The following FAM53B variants were observed in gnomAD, a reference collection of about 807,000 sequenced individuals.
The protein encoded by FAM53B is protein FAM53B.
In FAM53B, 12 loss-of-function variants were observed where a neutral mutation model predicts 32.7. The observed-to-expected ratio is 0.37, with a 90% CI of 0.24 to 0.59. The LOEUF is 0.59. FAM53B is among the 20% of genes least tolerant of loss of function. FAM53B has a pLI of 0.72. For synonymous variants in FAM53B, 234 were observed against 228.7 expected, an observed-to-expected ratio of 1.02 and a Z score of -0.21; for missense variants, 477 against 577.7, an observed-to-expected ratio of 0.83 and a Z score of 1.79.
intron 4 of FAM53B, among the ~76,000 whole-genome samples, chr10:124,674,451 G>A (rs72842384): frequency 0.12 from 18,855 of 152,194 alleles, 1,611 homozygotes; most frequent in Middle Eastern, 0.18. Context: ...ACCCTTCCTC[G>A]AGGATGGGGA....
intron 3 of FAM53B, among the ~76,000 whole-genome samples, chr10:124,687,209 C>T (rs1949807872): frequency 6.6e-6 from 1 of 152,200 alleles, no homozygotes; most frequent in Non-Finnish European, 1.5e-5. Context: ...TGGCAAACTG[C>T]CCCAAGCGCT....
At chr10:124,661,613 G>T (rs1256827478) in intron 4 of FAM53B, among the ~76,000 whole-genome samples, 1 of 152,200 alleles carries the variant, frequency 6.6e-6, no homozygotes, top group Non-Finnish European at 1.5e-5. Context: ...AGGGCAGTGG[G>T]GAGGAGGGAA....
At chr10:124,640,858 C>T (rs914558442) in intron 4 of FAM53B, among the ~76,000 whole-genome samples, 4 of 152,174 alleles carry the variant, frequency 2.6e-5, no homozygotes, top group South Asian at 2.1e-4. Flanking sequence ...AGACAGCCCC[C>T]GCTGCGGCAG....
chr10:124,635,312 C>T (rs961664976), intron 4 of FAM53B, among the ~76,000 whole-genome samples: 4 of 152,108 alleles, frequency 2.6e-5, no homozygotes, highest in African/African-American at 4.8e-5. Flanking sequence ...AGGCTGGTCT[C>T]GAACTCCTGA....
At chr10:124,714,136 C>T (rs545475403) in intron 1 of FAM53B, 20 of 152,266 alleles carry the variant, frequency 1.3e-4, no homozygotes, top group African/African-American at 4.3e-4. Flanking sequence ...AGTCAAGCTT[C>T]ATATCCGCCA....
intron 3 of FAM53B, among the ~76,000 whole-genome samples, chr10:124,693,273 C>T (rs1019717286): frequency 1.4e-4 from 21 of 151,926 alleles, no homozygotes; most frequent in Admixed American, 7.2e-4. Flanking sequence ...AAATCAAGAC[C>T]ATCCTGGCCA....
At chr10:124,654,599 G>GGCGA (rs1189254176) in intron 4 of FAM53B, among the ~76,000 whole-genome samples, 1 of 152,206 alleles carries the variant, frequency 6.6e-6, no homozygotes, top group Non-Finnish European at 1.5e-5. Context: ...CCCTGCCCAG[G>GGCGA]GCGAGGGTAG....
At chr10:124,731,255 A>G (rs1447913538) in intron 1 of FAM53B, among the ~76,000 whole-genome samples, 1 of 152,264 alleles carries the variant, frequency 6.6e-6, no homozygotes, top group African/African-American at 2.4e-5. Context: ...AACGGGAAAG[A>G]ACTGGGTGCT....
Position 124,706,787 on chromosome 10 carries a change from A to T in FAM53B, c.-74T>A. On this transcript the variant is annotated 5_prime_UTR_variant, in exon 2 of 5. Transcript: ENST00000337318. The stretch of plus-strand genomic sequence containing the variant: ...TCTTCACTTGGGCAGACTTGGGGTG[A>T]GTACCTCCTGGGGAATTGATGTCAG... 16 of 1,608,072 alleles carry T rather than the reference A, an allele frequency of 9.9e-6. No individual in the cohort carries two copies. The highest frequency in any genetic ancestry group is 1.2e-5 in the Non-Finnish European group (14 of 1,176,836).
chr10:124,656,978 T>G (rs1243314619), intron 4 of FAM53B, among the ~76,000 whole-genome samples: 1 of 151,536 alleles, frequency 6.6e-6, no homozygotes, highest in East Asian at 1.9e-4. Flanking sequence ...ACATGGCACA[T>G]GTATACATAC....
intron 2 of FAM53B, 62 bp from the exon 3 acceptor site, chr10:124,696,274 C>A: frequency 7.5e-7 from 1 of 1,336,618 alleles, no homozygotes; most frequent in South Asian, 1.2e-5. Context: ...TGCACTGACT[C>A]TACTGATCCC....
chr10:124,705,254 A>G (rs4962685), intron 2 of FAM53B, among the ~76,000 whole-genome samples: 142,553 of 152,296 alleles, frequency 0.94, 67,409 homozygotes, highest in Non-Finnish European at 1. Flanking sequence ...ACACCAGGCA[A>G]CAGGCAGAGG....
rs574920550 is a variant in FAM53B at position 124,648,797 on chromosome 10, G to A, written c.907-25193C>T. On this transcript the variant is annotated intron_variant, in intron 4 of 4. Transcript: ENST00000337318. ...CCGCCTGTTCGGGGCTCCTTTTGCT[G>A]CTAAGGGGTCTGGCCGGGATTAGCA... 3.9e-5 allele frequency among the ~76,000 whole-genome samples: 6 copies of A among 152,382 alleles called. No homozygotes were observed. The East Asian group carries it at 1.2e-3, about 29-fold the overall frequency.
intron 4 of FAM53B, among the ~76,000 whole-genome samples, chr10:124,631,660 A>T (rs975117425): frequency 2.6e-5 from 4 of 152,088 alleles, no homozygotes; most frequent in African/African-American, 4.8e-5. Context: ...CCTCTTCCTC[A>T]GGCTCTGCTT....
rs7077464 is a variant in FAM53B at position 124,699,928 on chromosome 10, G to A, written c.79-3716C>T. On this transcript the variant is annotated intron_variant, in intron 2 of 4. Coordinates refer to ENST00000337318, the MANE Select transcript of FAM53B (RefSeq NM_014661.4). ...CTGGCCCCCTCCTCTCCAGCCCTGC[G>A]AGCTCGCCCTGTGCTTCAGGGAGTT... Among the ~76,000 whole-genome samples, 293 of 152,302 alleles carry A rather than the reference G, an allele frequency of 1.9e-3. 1 individual carries two copies. Among genetic ancestry groups the A allele is most frequent in the African/African-American group, 6.7e-3 (278 of 41,574 alleles).
Position 124,643,548 on chromosome 10 carries a change from C to CG in FAM53B, c.907-19945dup, listed in dbSNP as rs979628228. 3.9e-5 allele frequency among the ~76,000 whole-genome samples: 6 copies of CG among 152,320 alleles called. No homozygotes were observed. In the South Asian group the frequency reaches 6.2e-4, roughly 16 times the overall value. On this transcript the variant is annotated intron_variant, in intron 4 of 4. Transcript: ENST00000337318. ...CCAAACAGAGCCCCGGGAGGGCCAGCGGGGGGGTGCAGGGCTGGGAGGACA... is the reference window on the plus strand; with the variant it reads ...CCAAACAGAGCCCCGGGAGGGCCAGCGGGGGGGGTGCAGGGCTGGGAGGACA...
At position 124,706,716 on chromosome 10, in the gene FAM53B, T is replaced by C. The variant is rs1949961690; in HGVS notation, c.-3A>G. 1 of 1,613,988 alleles carries C rather than the reference T, an allele frequency of 6.2e-7. No individual in the cohort carries two copies. ...CTTTCACTTAGGACCATCACCATGA[T>C]AAGGGCCTCAGGCGCTGGGCTCCAT... On this transcript the variant is annotated 5_prime_UTR_variant, in exon 2 of 5. Coordinates refer to ENST00000337318, the MANE Select transcript of FAM53B (RefSeq NM_014661.4).
intron 4 of FAM53B, among the ~76,000 whole-genome samples, chr10:124,672,931 C>T (rs947231872): frequency 2.6e-5 from 4 of 152,152 alleles, no homozygotes; most frequent in African/African-American, 9.7e-5. Flanking sequence ...GAAATACAGT[C>T]AAAGTGAGGG....
chr10:124,670,735 GCCTCCCTGTC>G (rs1217605471), intron 4 of FAM53B, among the ~76,000 whole-genome samples: 1 of 152,082 alleles, frequency 6.6e-6, no homozygotes, highest in Non-Finnish European at 1.5e-5. Context: ...CCTCAACAAG[GCCTCCCTGTC>G]CCTCCAATCT....
Sources: allele counts gnomAD v4.1 joint callset (sites outside exome capture counted in the v4.1 genomes callset), GRCh38; gene constraint gnomAD v4.1.1; transcripts MANE v1.5; gene names NCBI Gene and HGNC (gene_info 2026-07-23, HGNC 2026-07-21).